C5orf63: variants seen among roughly 807,000 people sequenced by gnomAD.
The protein encoded by C5orf63 is glutaredoxin-like protein C5orf63.
In C5orf63, 18 loss-of-function variants were observed where a neutral mutation model predicts 13.3. The ratio of observed to expected loss-of-function variants is 1.36; its 90% CI spans 0.94 to 2.01. The LOEUF is 2.01. Among genes scored for constraint, C5orf63 ranks in the 30% most tolerant of loss-of-function variants. The probability of loss-of-function intolerance (pLI) is 0.00; values close to 1 mark genes in which losing one functional copy is unlikely to be tolerated. For synonymous variants in C5orf63, 38 were observed against 44.7 expected (o/e 0.85, Z 0.60); for missense variants, 118 against 127.7 (o/e 0.92, Z 0.36).
chr5:127,060,706 C>A (rs1002991032), intron 2 of C5orf63, among the ~76,000 whole-genome samples: 2 of 152,268 alleles, frequency 1.3e-5, no homozygotes, highest in Admixed American at 1.3e-4. Flanking sequence ...TCATTTCTTC[C>A]TCGTTTTGTA....
chr5:127,053,647 T>C (rs1753771281), intron 3 of C5orf63, among the ~76,000 whole-genome samples: 1 of 152,194 alleles, frequency 6.6e-6, no homozygotes, highest in South Asian at 2.1e-4. Context: ...AGTGTTCTCA[T>C]TGTTCAATTC....
intron 2 of C5orf63, among the ~76,000 whole-genome samples, chr5:127,069,501 C>A (rs922613205): frequency 1.3e-5 from 2 of 152,222 alleles, no homozygotes; most frequent in African/African-American, 4.8e-5. Flanking sequence ...ATTCCACCCA[C>A]TTTCAATTTA....
chr5:127,055,652 G>A (rs575019730), intron 3 of C5orf63, among the ~76,000 whole-genome samples: 4 of 152,122 alleles, frequency 2.6e-5, no homozygotes, highest in African/African-American at 9.6e-5. Context: ...CATAGATTAT[G>A]GATAGTTTGT....
At position 127,057,037 on chromosome 5, in the gene C5orf63, C is replaced by T. The variant is rs372440989; in HGVS notation, c.114+1845G>A. Among the ~76,000 whole-genome samples, 257 of 152,184 alleles carry T rather than the reference C, an allele frequency of 1.7e-3. 6 individuals carry two copies. In the South Asian group the frequency reaches 0.05, roughly 30 times the overall value. On this transcript the variant is annotated intron_variant, in intron 3 of 4. Transcript: ENST00000296662. Reference sequence around the variant, plus strand: ...TGGCTATATAAACTGCTGCCCAAACCGAAGAACAGTGCAGAACTGTTAGGC... The same window carrying T: ...TGGCTATATAAACTGCTGCCCAAACTGAAGAACAGTGCAGAACTGTTAGGC...
Position 127,051,817 on chromosome 5 carries a change from A to G in C5orf63, c.302T>C (p.Leu101Pro). ...LMMHRVNTSK[L>P]EKQLLKLEQQ... is the part of the protein sequence containing the mutation. Reference sequence around the variant, plus strand: ...CTCAAGTTTCAGGAGCTGTTTTTCAAGTTTTGAGGTGTTTACTCGATGCAT... The same window carrying G: ...CTCAAGTTTCAGGAGCTGTTTTTCAGGTTTTGAGGTGTTTACTCGATGCAT... Residue 101 changes from leucine to proline, a missense_variant, in exon 5 of 5, where the codon CTT (leucine) becomes CCT (proline). Coordinates refer to ENST00000296662, the MANE Select transcript of C5orf63 (RefSeq NM_001164478.2). The G allele has an allele frequency of 6.5e-7, 1 of 1,531,934 alleles. No individual in the cohort carries two copies. The highest frequency in any genetic ancestry group is 1.2e-5 in the South Asian group (1 of 82,904). The allele number at this position is 1,531,934 out of a possible 1,614,324, so 94.9% of individuals were successfully genotyped here.
At chr5:127,072,550 G>C (rs1399728039) in intron 1 of C5orf63, among the ~76,000 whole-genome samples, 1 of 152,182 alleles carries the variant, frequency 6.6e-6, no homozygotes, top group African/African-American at 2.4e-5. Context: ...AAATGCGCTA[G>C]AAAGTATTGG....
In C5orf63 at chr5:127,051,836, G is replaced by A. The variant is rs1220614984; in HGVS notation, c.283C>T (p.Arg95Ter). 14 of 1,535,646 alleles carry A rather than the reference G, an allele frequency of 9.1e-6. No individual in the cohort carries two copies. The highest frequency in any genetic ancestry group is 6.0e-5 in the South Asian group (5 of 83,736). Residue 95 changes from arginine to a stop codon, truncating the protein, a stop_gained, in exon 5 of 5, where the codon CGA (arginine) becomes TGA (stop). Transcript: ENST00000296662. LOFTEE classifies it high-confidence loss of function. ...TTTTCAAGTTTTGAGGTGTTTACTC[G>A]ATGCATCATCAGAAACTGGCCATTC... ...HLNGQFLMMH[R>*]VNTSKLEKQL...
At chr5:127,064,234 T>C (rs1008980110) in intron 2 of C5orf63, among the ~76,000 whole-genome samples, 5 of 152,164 alleles carry the variant, frequency 3.3e-5, no homozygotes, top group African/African-American at 1.2e-4. Context: ...CTTTGATATG[T>C]CAATTCCAAG....
chr5:127,054,137 A>G (rs1332940766), intron 3 of C5orf63, among the ~76,000 whole-genome samples: 1 of 152,200 alleles, frequency 6.6e-6, no homozygotes, highest in African/African-American at 2.4e-5. Context: ...TTTTATATTA[A>G]GAATTTTAGA....
At chr5:127,057,787 T>C (rs142466182) in intron 3 of C5orf63, among the ~76,000 whole-genome samples, 196 of 152,350 alleles carry the variant, frequency 1.3e-3, no homozygotes, top group Middle Eastern at 3.4e-3. Flanking sequence ...GTCCTTTTCA[T>C]GGTGTGCATA....
At position 127,052,626 on chromosome 5, in the gene C5orf63, G is replaced by A; in HGVS notation, c.158C>T (p.Pro53Leu). 6.6e-7 allele frequency: 1 copy of A among 1,505,208 alleles called. No individual in the cohort carries two copies. Among genetic ancestry groups the A allele is most frequent in the Non-Finnish European group, 8.8e-7 (1 of 1,135,846 alleles). The allele number at this position is 1,505,208 out of a possible 1,614,324, so 93.2% of individuals were successfully genotyped here. A position where few individuals can be genotyped will look rare whatever the true frequency, so the allele number is the denominator to read the frequency against. ...LCDEAKEVLK[P>L]YENRFILQEV... The stretch of plus-strand genomic sequence containing the variant: ...GTATTATATTACCCTGTTTTCATAA[G>A]GCTTGAGTACTTCCTTGGCTTCATC... Residue 53 changes from proline to leucine, a missense_variant, in exon 4 of 5, where the codon CCT becomes CTT. Physicochemically the swap from Pro to Leu is moderately conservative, Grantham distance 98. Coordinates refer to ENST00000296662, the MANE Select transcript of C5orf63 (RefSeq NM_001164478.2).
intron 2 of C5orf63, among the ~76,000 whole-genome samples, chr5:127,067,361 T>G (rs1472550957): frequency 6.6e-6 from 1 of 152,182 alleles, no homozygotes; most frequent in African/African-American, 2.4e-5. Flanking sequence ...AATGAAACAT[T>G]TAAATCTCTA....
At chr5:127,065,602 G>A (rs1191029694) in intron 2 of C5orf63, among the ~76,000 whole-genome samples, 2 of 152,204 alleles carry the variant, frequency 1.3e-5, no homozygotes, top group Non-Finnish European at 2.9e-5. Context: ...GCTTTGGAAG[G>A]TGGACTAGGA....
Position 127,059,096 on chromosome 5 carries a change from C to A in C5orf63, c.-7-94G>T, listed in dbSNP as rs547100749. On this transcript the variant is annotated intron_variant, in intron 2 of 4. Transcript: ENST00000296662. ...ATTTCCAAGCTTATGATGGAATTTG[C>A]GGGCTTCAGAATTGTTTCTTCAAGT... 107 of 806,236 alleles carry A rather than the reference C, an allele frequency of 1.3e-4. No homozygotes were observed. In the South Asian group the frequency reaches 1.5e-3, roughly 12 times the overall value. The allele number at this position is 806,236 out of a possible 1,614,324, so 49.9% of individuals were successfully genotyped here. A position where few individuals can be genotyped will look rare whatever the true frequency, so the allele number is the denominator to read the frequency against.
intron 2 of C5orf63, among the ~76,000 whole-genome samples, chr5:127,064,524 T>G (rs1428190171): frequency 6.6e-6 from 1 of 152,200 alleles, no homozygotes; most frequent in African/African-American, 2.4e-5. Context: ...ACTGCAGATT[T>G]GCTTCCACAC....
chr5:127,047,152 A>G (rs1753537156), downstream of C5orf63: 1 of 153,074 alleles, frequency 6.5e-6, no homozygotes, highest in Non-Finnish European at 1.5e-5. Flanking sequence ...ATTCTAGAGC[A>G]GCAATATGAA....
chr5:127,045,892 A>G (rs1753510743), exon 5 of C5orf63: 1 of 152,238 alleles, frequency 6.6e-6, no homozygotes, highest in Non-Finnish European at 1.5e-5. Flanking sequence ...CCACTATCAA[A>G]TCACAAAAGG....
chr5:127,052,719 G>A, intron 3 of C5orf63, 50 bp from the exon 4 acceptor site: 4 of 1,400,520 alleles, frequency 2.9e-6, no homozygotes, highest in Non-Finnish European at 3.7e-6. Flanking sequence ...AATGGCATTT[G>A]CCCTTACAAA....
intron 2 of C5orf63, among the ~76,000 whole-genome samples, chr5:127,070,240 T>C (rs1016341531): frequency 6.6e-6 from 1 of 152,208 alleles, no homozygotes; most frequent in Non-Finnish European, 1.5e-5. Context: ...GAGTTTTCTA[T>C]TAAATAATAG....
Sources: gnomAD v4.1 joint callset for allele counts (sites outside exome capture counted in the v4.1 genomes callset) on GRCh38, gnomAD v4.1.1 for gene constraint, MANE v1.5 for transcripts, NCBI Gene and HGNC (gene_info 2026-07-23, HGNC 2026-07-21) for gene names.